MRPL42: variants seen among roughly 807,000 people sequenced by gnomAD.
The protein encoded by MRPL42 is mitochondrial ribosomal protein L42.
A neutral mutation model predicts 17.9 loss-of-function variants in MRPL42; 17 were observed. The ratio of observed to expected loss-of-function variants is 0.95; its 90% confidence interval spans 0.65 to 1.42. The LOEUF is 1.42. Ranked by LOEUF, MRPL42 falls within the 40% of genes most tolerant of loss-of-function variation. The pLI is 0.00. For missense variants in MRPL42, 177 were observed against 175.2 expected (o/e 1.01, Z -0.06); for synonymous variants, 59 against 54.4 (o/e 1.08, Z -0.37).
At chr12:93,472,011 T>C (rs781512481) in intron 2 of MRPL42, among the ~76,000 whole-genome samples, 3 of 152,190 alleles carry the variant, frequency 2.0e-5, no homozygotes, top group Non-Finnish European at 2.9e-5. Flanking sequence ...CCCTGAATAA[T>C]TGAAAATTAT....
At chr12:93,467,916 A>G (rs905915304) in intron 1 of MRPL42, among the ~76,000 whole-genome samples, 2 of 151,974 alleles carry the variant, frequency 1.3e-5, no homozygotes, top group Non-Finnish European at 2.9e-5. Context: ...TGATCTCTGA[A>G]ATGATCTTCC....
chr12:93,479,392 G>A lies in MRPL42; in HGVS notation c.139G>A (p.Val47Ile), dbSNP rs766814974. ...SPLPDDYNCN[V>I]ELALTSDGRT... is the part of the protein sequence containing the mutation. ...CTAAAACATTCTTTTTTTTAGCAAC[G>A]TAGAGCTTGCTCTGACTTCTGATGG... The change falls in exon 4 of 6, where the codon GTA (valine) becomes ATA (isoleucine). Residue 47 changes from valine to isoleucine, a missense_variant. Coordinates refer to ENST00000549982, the MANE Select transcript of MRPL42 (RefSeq NM_014050.4). 65 of 1,602,486 alleles carry A rather than the reference G, an allele frequency of 4.1e-5. No individual in the cohort carries two copies. The highest frequency in any genetic ancestry group is 1.7e-4 in the Middle Eastern group (1 of 6,008).
chr12:93,487,541 T>C lies in MRPL42; in HGVS notation c.264T>C (p.His88=), dbSNP rs1206980327. The change falls in exon 5 of 6, where the codon CAT becomes CAC. Residue 88 remains histidine, a synonymous_variant. Coordinates refer to ENST00000549982, the MANE Select transcript of MRPL42 (RefSeq NM_014050.4). ...PDPVHNNEET[H]DQVLKTRLEE... is the part of the protein sequence containing the mutation. Reference sequence around the variant, plus strand: ...CTGTGCATAATAATGAAGAAACACATGATCAAGTGCTGAAAACCAGATTGG... The same window carrying C: ...CTGTGCATAATAATGAAGAAACACACGATCAAGTGCTGAAAACCAGATTGG... The C allele has an allele frequency of 6.2e-7, 1 of 1,613,822 alleles. No homozygotes were observed. Among genetic ancestry groups the C allele is most frequent in the African/African-American group, 1.3e-5 (1 of 74,936 alleles).
At chr12:93,495,415 T>C (rs1953482176) in intron 5 of MRPL42, among the ~76,000 whole-genome samples, 1 of 152,120 alleles carries the variant, frequency 6.6e-6, no homozygotes, top group African/African-American at 2.4e-5. Context: ...TTTGTATTTT[T>C]TGGAGAGATA....
In MRPL42 at chr12:93,501,222, T is replaced by C. The variant is rs755921285; in HGVS notation, c.*1T>C. On this transcript the variant is annotated 3_prime_UTR_variant, in exon 6 of 6. Coordinates refer to ENST00000549982, the MANE Select transcript of MRPL42 (RefSeq NM_014050.4). ...TCTGAATCCTCCAAAAGACAGATGA[T>C]GCGGAGGTTCCTGGGGGAATCAAAG... The C allele has an allele frequency of 9.4e-6, 15 of 1,601,832 alleles. No individual in the cohort carries two copies. The Admixed American group carries it at 2.6e-4, about 28-fold the overall frequency.
chr12:93,500,279 G>T (rs1198276434), intron 5 of MRPL42, among the ~76,000 whole-genome samples: 1 of 152,020 alleles, frequency 6.6e-6, no homozygotes. Flanking sequence ...GAATTACTAG[G>T]TCAAAAATTA....
chr12:93,490,977 G>A (rs897925455), intron 5 of MRPL42, among the ~76,000 whole-genome samples: 2 of 151,998 alleles, frequency 1.3e-5, no homozygotes, highest in African/African-American at 4.8e-5. Context: ...TGCAACCTCC[G>A]CCTCCCGGAT....
chr12:93,513,657 T>A lies in MRPL42; in HGVS notation c.*12436T>A, dbSNP rs1376021267. On this transcript the variant is annotated 3_prime_UTR_variant, in exon 6 of 6. Transcript: ENST00000549982. ...AATTCACATTTTCAGTGAAAGTTTT[T>A]AAATAATTTTTTCTCTTTCCGTTTT... The A allele has an allele frequency of 2.0e-5, 3 of 151,904 alleles. No homozygotes were observed. Among genetic ancestry groups the A allele is most frequent in the African/African-American group, 4.9e-5 (2 of 41,158 alleles). The allele number at this position is 151,904 out of a possible 1,614,324, so 9.4% of individuals were successfully genotyped here. A position where few individuals can be genotyped will look rare whatever the true frequency, so the allele number is the denominator to read the frequency against.
chr12:93,488,616 G>A (rs547541437), intron 5 of MRPL42: 3 of 253,550 alleles, frequency 1.2e-5, no homozygotes, highest in Non-Finnish European at 2.2e-5. Context: ...CATATTTTGA[G>A]TTATCGAAAA....
rs1432819908 is a variant in MRPL42 at position 93,501,580 on chromosome 12, C to T, written c.*359C>T. The T allele has an allele frequency of 6.2e-5, 10 of 160,802 alleles. No homozygotes were observed. The allele number at this position is 160,802 out of a possible 1,614,324, so 10.0% of individuals were successfully genotyped here. A position where few individuals can be genotyped will look rare whatever the true frequency, so the allele number is the denominator to read the frequency against. On this transcript the variant is annotated 3_prime_UTR_variant, in exon 6 of 6. Transcript: ENST00000549982. ...GATAATTTTGCTAAACAGTAGGCTACTGTAAGTGTTCTGAGCATATTTAAG... is the reference window on the plus strand; with the variant it reads ...GATAATTTTGCTAAACAGTAGGCTATTGTAAGTGTTCTGAGCATATTTAAG...
chr12:93,495,022 G>C (rs924918920), intron 5 of MRPL42, among the ~76,000 whole-genome samples: 2 of 152,194 alleles, frequency 1.3e-5, no homozygotes, highest in African/African-American at 2.4e-5. Flanking sequence ...AGTTCACGCT[G>C]TTTGCAGGGA....
Position 93,501,880 on chromosome 12 carries a change from ATT to A in MRPL42, c.*660_*661del, listed in dbSNP as rs1953600888. On this transcript the variant is annotated 3_prime_UTR_variant, in exon 6 of 6. Transcript: ENST00000549982. ...TGTTTCAGTTGGCTTCTAGGAAATA[ATT>A]AAATTAGTGATATTTTAATCAGGTT... 8.7e-6 allele frequency: 1 copy of A among 115,462 alleles called. No individual in the cohort carries two copies. 7.2% of individuals were successfully genotyped at this position (115,462 alleles called of 1,614,324 possible). A position where few individuals can be genotyped will look rare whatever the true frequency, so the allele number is the denominator to read the frequency against.
rs1049540147 is a variant in MRPL42 at position 93,510,381 on chromosome 12, A to G, written c.*9160A>G. On this transcript the variant is annotated 3_prime_UTR_variant, in exon 6 of 6. Transcript: ENST00000549982. Reference sequence around the variant, plus strand: ...GGTTGATTGCTTCCAAGTTTTGGCAATTATGAATAAAATTGCTATAGATAT... The same window carrying G: ...GGTTGATTGCTTCCAAGTTTTGGCAGTTATGAATAAAATTGCTATAGATAT... The G allele has an allele frequency of 6.6e-6, 1 of 152,204 alleles. No individual in the cohort carries two copies. The highest frequency in any genetic ancestry group is 1.5e-5 in the Non-Finnish European group (1 of 68,044). 9.4% of individuals were successfully genotyped at this position (152,204 alleles called of 1,614,324 possible). A position where few individuals can be genotyped will look rare whatever the true frequency, so the allele number is the denominator to read the frequency against.
rs1953725358 is a variant in MRPL42, at chr12:93,511,514, C to T, written c.*10293C>T. 6.6e-6 allele frequency: 1 copy of T among 152,114 alleles called. No homozygotes were observed. Among genetic ancestry groups the T allele is most frequent in the Admixed American group, 6.6e-5 (1 of 15,260 alleles). The allele number at this position is 152,114 out of a possible 1,614,324, so 9.4% of individuals were successfully genotyped here. On this transcript the variant is annotated 3_prime_UTR_variant, in exon 6 of 6. Coordinates refer to ENST00000549982, the MANE Select transcript of MRPL42 (RefSeq NM_014050.4). ...GGGAGACTGTGTGGCAAAGAAAGTA[C>T]TTCAATTACCAGTTACCAACACACA...
In MRPL42 at chr12:93,507,110, G is replaced by A. The variant is rs1334259824; in HGVS notation, c.*5889G>A. On this transcript the variant is annotated 3_prime_UTR_variant, in exon 6 of 6. Transcript: ENST00000549982. The stretch of plus-strand genomic sequence containing the variant: ...ATGAAATGTGCCTTTAGCAATAGAT[G>A]TGTCCAGTGATGTACTAATGAAGAT... The A allele has an allele frequency of 6.6e-6, 1 of 152,150 alleles. No homozygotes were observed. Among genetic ancestry groups the A allele is most frequent in the Non-Finnish European group, 1.5e-5 (1 of 68,036 alleles). The allele number at this position is 152,150 out of a possible 1,614,324, so 9.4% of individuals were successfully genotyped here. A position where few individuals can be genotyped will look rare whatever the true frequency, so the allele number is the denominator to read the frequency against.
rs546221963 is a variant in MRPL42 at position 93,491,180 on chromosome 12, C to T, written c.383+3520C>T. Reference sequence around the variant, plus strand: ...TGCTGGGATTACAGGTGTGAGCCACCATGCCTGGCCAAAACACACATTTTT... The same window carrying T: ...TGCTGGGATTACAGGTGTGAGCCACTATGCCTGGCCAAAACACACATTTTT... On this transcript the variant is annotated intron_variant, in intron 5 of 5. Transcript: ENST00000549982. 5.9e-5 allele frequency among the ~76,000 whole-genome samples: 9 copies of T among 152,336 alleles called. No homozygotes were observed. In the East Asian group the frequency reaches 1.3e-3, roughly 23 times the overall value.
At chr12:93,495,382 C>T (rs1277519306) in intron 5 of MRPL42, among the ~76,000 whole-genome samples, 1 of 151,624 alleles carries the variant, frequency 6.6e-6, no homozygotes, top group Non-Finnish European at 1.5e-5. Flanking sequence ...TACTACCATA[C>T]CTGGCTGATT....
rs539881008 is a variant in MRPL42, at chr12:93,509,852, T to A, written c.*8631T>A. The A allele has an allele frequency of 6.6e-6, 1 of 152,074 alleles. No homozygotes were observed. Among genetic ancestry groups the A allele is most frequent in the Non-Finnish European group, 1.5e-5 (1 of 68,006 alleles). The allele number at this position is 152,074 out of a possible 1,614,324, so 9.4% of individuals were successfully genotyped here. A position where few individuals can be genotyped will look rare whatever the true frequency, so the allele number is the denominator to read the frequency against. On this transcript the variant is annotated 3_prime_UTR_variant, in exon 6 of 6. Coordinates refer to ENST00000549982, the MANE Select transcript of MRPL42 (RefSeq NM_014050.4). ...GAGAGGAGGGTACAGAAATAACTTA[T>A]ATATCCTCAGTGCTCCCCTCCCCCA... is the stretch of plus-strand genomic sequence containing the variant.
intron 4 of MRPL42, 61 bp from the exon 5 acceptor site, chr12:93,487,436 C>G (rs1880797690): frequency 6.8e-7 from 1 of 1,468,574 alleles, no homozygotes; most frequent in South Asian, 1.2e-5. Flanking sequence ...ATTGTGATCT[C>G]AAACAAATGC....
Sources: allele counts gnomAD v4.1 joint callset (sites outside exome capture counted in the v4.1 genomes callset), GRCh38; gene constraint gnomAD v4.1.1; transcripts MANE v1.5; gene names NCBI Gene and HGNC (gene_info 2026-07-23, HGNC 2026-07-21).